NEDD4L: variants seen among roughly 807,000 people sequenced by gnomAD.
The protein encoded by NEDD4L is NEDD4 like E3 ubiquitin protein ligase.
NEDD4L carries 54 observed loss-of-function variants against 148.9 expected under a neutral mutation model. The ratio of observed to expected loss-of-function variants is 0.36; its 90% CI spans 0.29 to 0.45. NEDD4L has a LOEUF of 0.45. Ranked by LOEUF, NEDD4L falls within the 20% of genes least tolerant of loss-of-function variation. The pLI, the probability that NEDD4L is intolerant of heterozygous loss-of-function variation, is 1.00. For synonymous variants in NEDD4L, 433 were observed against 440.7 expected, an observed-to-expected ratio of 0.98 and a Z score of 0.22; for missense variants, 856 against 1,233.8, an observed-to-expected ratio of 0.69 and a Z score of 4.59.
At position 58,376,284 on chromosome 18, in the gene NEDD4L, ACCT is replaced by A. The variant is rs34671195; in HGVS notation, c.2352+3020_2352+3022del. Among the ~76,000 whole-genome samples, 740 of 152,146 alleles carry A rather than the reference ACCT, an allele frequency of 4.9e-3. 6 individuals are homozygous for A. The highest frequency in any genetic ancestry group is 0.017 in the African/African-American group (708 of 41,500). On this transcript the variant is annotated intron_variant, in intron 24 of 30. Coordinates refer to ENST00000400345, the MANE Select transcript of NEDD4L (RefSeq NM_001144967.3). The stretch of plus-strand genomic sequence containing the variant: ...GATTTTCATTAAAAACAGTTCTCAG[ACCT>A]CCTCGTTTAATGTTGTGAATTCTTC...
chr18:58,348,456 C>T (rs529084042), intron 16 of NEDD4L, among the ~76,000 whole-genome samples: 2 of 150,460 alleles, frequency 1.3e-5, no homozygotes, highest in South Asian at 2.1e-4. Context: ...CTCAGCCTCC[C>T]GAGTAGCTGG....
intron 5 of NEDD4L, among the ~76,000 whole-genome samples, chr18:58,285,456 G>C (rs908536480): frequency 1.3e-5 from 2 of 152,108 alleles, no homozygotes; most frequent in Non-Finnish European, 1.5e-5. Flanking sequence ...AGCCTCCCCA[G>C]TAGCTTGGAT....
intron 2 of NEDD4L, among the ~76,000 whole-genome samples, chr18:58,233,918 CGTT>C (rs1213297638): frequency 6.7e-6 from 1 of 149,564 alleles, no homozygotes; most frequent in Non-Finnish European, 1.5e-5. Context: ...ACAATCTTCT[CGTT>C]GTATCTTCAC....
chr18:58,303,339 G>A (rs769522244), intron 5 of NEDD4L, among the ~76,000 whole-genome samples: 1 of 152,084 alleles, frequency 6.6e-6, no homozygotes, highest in Non-Finnish European at 1.5e-5. Flanking sequence ...TGAATATTTG[G>A]GGCATTTTGC....
intron 2 of NEDD4L, among the ~76,000 whole-genome samples, chr18:58,173,216 TTTTCTC>T (rs1297746605): frequency 6.6e-6 from 1 of 152,186 alleles, no homozygotes; most frequent in African/African-American, 2.4e-5. Context: ...TCCCCTCCCT[TTTTCTC>T]TTTAATTATG....
At chr18:58,146,169 A>G (rs145351888) in intron 1 of NEDD4L, among the ~76,000 whole-genome samples, 148 of 152,348 alleles carry the variant, frequency 9.7e-4, no homozygotes, top group African/African-American at 3.3e-3. Flanking sequence ...ATGTTCAGCT[A>G]GCCCTAGAGA....
chr18:58,144,115 TAA>T (rs5825266), intron 1 of NEDD4L, among the ~76,000 whole-genome samples: 9 of 142,872 alleles, frequency 6.3e-5, no homozygotes, highest in East Asian at 6.1e-4. Flanking sequence ...AGAGCAGCAT[TAA>T]AAAAAAAAAA....
chr18:58,145,630 GTT>G lies in NEDD4L; in HGVS notation c.49-20147_49-20146del, dbSNP rs56118910. ...AACCTATGGATGTTTAAGGAATTGG[GTT>G]TTTTTTTTTTCTCCTTTGATGAATA... On this transcript the variant is annotated intron_variant, in intron 1 of 30. Transcript: ENST00000400345. Among the ~76,000 whole-genome samples the G allele has an allele frequency of 7.1e-3, 1,055 of 149,314 alleles. 11 individuals are homozygous for G. The highest frequency in any genetic ancestry group is 0.025 in the African/African-American group (1,014 of 40,860).
At chr18:58,056,575 C>T (rs1410218829) in intron 1 of NEDD4L, among the ~76,000 whole-genome samples, 1 of 151,944 alleles carries the variant, frequency 6.6e-6, no homozygotes, top group Non-Finnish European at 1.5e-5. Flanking sequence ...AGAGCTATGC[C>T]TTTTTTTATT....
Position 58,054,426 on chromosome 18 carries a change from G to C in NEDD4L, c.48+9718G>C, listed in dbSNP as rs118107803. On this transcript the variant is annotated intron_variant, in intron 1 of 30. Coordinates refer to ENST00000400345, the MANE Select transcript of NEDD4L (RefSeq NM_001144967.3). ...GTTTTGGGTAGAGGAAGGAGTGCAA[G>C]GTTTAAAGGAAAAGCAAAGCCTGTA... is the stretch of plus-strand genomic sequence containing the variant. Among the ~76,000 whole-genome samples, 951 of 152,258 alleles carry C rather than the reference G, an allele frequency of 6.2e-3. 9 individuals are homozygous for C. Among genetic ancestry groups the C allele is most frequent in the South Asian group, 0.02 (94 of 4,818 alleles).
At chr18:58,185,765 C>A (rs575761059) in intron 2 of NEDD4L, among the ~76,000 whole-genome samples, 1 of 151,756 alleles carries the variant, frequency 6.6e-6, no homozygotes, top group Non-Finnish European at 1.5e-5. Context: ...CCCAGCTACT[C>A]GGGAGGCTGA....
intron 2 of NEDD4L, among the ~76,000 whole-genome samples, chr18:58,234,983 G>C (rs2045834101): frequency 6.6e-6 from 1 of 152,100 alleles, no homozygotes; most frequent in Non-Finnish European, 1.5e-5. Context: ...GTCAGATTTT[G>C]CAGTGAGAAC....
chr18:58,295,133 G>C (rs1031254898), intron 5 of NEDD4L, among the ~76,000 whole-genome samples: 1 of 152,154 alleles, frequency 6.6e-6, no homozygotes, highest in Non-Finnish European at 1.5e-5. Context: ...AAAGTCCATA[G>C]TTTACACTAG....
chr18:58,220,564 C>T (rs1273431472), intron 2 of NEDD4L, among the ~76,000 whole-genome samples: 1 of 152,208 alleles, frequency 6.6e-6, no homozygotes, highest in Non-Finnish European at 1.5e-5. Flanking sequence ...GAAATCCCAG[C>T]GTTTGAACGC....
chr18:58,168,910 G>T (rs2037204833), intron 2 of NEDD4L, among the ~76,000 whole-genome samples: 1 of 152,364 alleles, frequency 6.6e-6, no homozygotes, highest in Middle Eastern at 3.4e-3. Context: ...TTGGGAAGGG[G>T]TCGGTGGTTG....
At chr18:58,273,724 A>C (rs1044358574) in intron 5 of NEDD4L, among the ~76,000 whole-genome samples, 6 of 152,214 alleles carry the variant, frequency 3.9e-5, no homozygotes, top group African/African-American at 1.4e-4. Flanking sequence ...AAGTTGGGCA[A>C]ATGCACTTAT....
chr18:58,343,769 C>T (rs2042721689), intron 16 of NEDD4L, among the ~76,000 whole-genome samples: 1 of 152,192 alleles, frequency 6.6e-6, no homozygotes, highest in Non-Finnish European at 1.5e-5. Context: ...TAATCAAAGG[C>T]AAATATGCAT....
intron 1 of NEDD4L, among the ~76,000 whole-genome samples, chr18:58,082,102 A>ATATATATATATTTTTTTTTTTTTTTT: frequency 2.0e-5 from 1 of 48,856 alleles, no homozygotes; most frequent in Non-Finnish European, 3.1e-5. Flanking sequence ...ATATATATAT[A>ATATATATATATTTTTTTTTTTTTTTT]TTTTTTTTTT....
chr18:58,384,099 G>A (rs536108964), intron 25 of NEDD4L, among the ~76,000 whole-genome samples: 6 of 152,282 alleles, frequency 3.9e-5, no homozygotes, highest in Middle Eastern at 3.4e-3. Context: ...TCAGTGCTTC[G>A]TTTCAACAGG....
Sources: allele counts gnomAD v4.1 joint callset (sites outside exome capture counted in the v4.1 genomes callset), GRCh38; gene constraint gnomAD v4.1.1; transcripts MANE v1.5; gene names NCBI Gene and HGNC (gene_info 2026-07-23, HGNC 2026-07-21).